The following ARID1A variants were observed in gnomAD, a reference collection of about 807,000 sequenced individuals.
The protein encoded by ARID1A is AT-rich interaction domain 1A.
ARID1A carries 20 observed loss-of-function variants against 212.6 expected under a neutral mutation model. That is an observed-to-expected ratio of 0.09 (90% CI 0.07 to 0.14). The LOEUF (loss-of-function observed/expected upper bound fraction) is 0.14. ARID1A is among the 10% of genes least tolerant of loss of function. The pLI, the probability that ARID1A is intolerant of heterozygous loss-of-function variation, is 1.00. For synonymous variants in ARID1A, 1,376 were observed against 1,222.1 expected (o/e 1.13, Z -2.63); for missense variants, 2,587 against 3,059.0 (o/e 0.85, Z 3.64).
Position 26,774,627 on chromosome 1 carries a change from C to G in ARID1A, c.4400C>G (p.Pro1467Arg), listed in dbSNP as rs191618031. Residue 1467 changes from proline (P) to arginine (R), a missense_variant, in exon 18 of 20, where the codon CCC becomes CGC. By Grantham distance (103) the Pro-to-Arg change is moderately radical. This residue lies in a region of ARID1A where 890 missense variants were observed against 1,098.2 expected (regional missense o/e 0.81). Transcript: ENST00000324856. This position sits in a 1 kb window ranked among gnomAD's most constrained non-coding sequence, Gnocchi z 5.6. ...TTTGGCCGAGACCGTGTCTCTGCAC[C>G]CCCTGGCACCAATGCCCAGCAAAAC... ...FQFGRDRVSA[P>R]PGTNAQQNMP... 1.2e-6 allele frequency: 2 copies of G among 1,614,218 alleles called. No individual in the cohort carries two copies. Among genetic ancestry groups the G allele is most frequent in the African/African-American group, 2.7e-5 (2 of 75,050 alleles).
chr1:26,756,571 A>C (rs185237847), intron 4 of ARID1A, among the ~76,000 whole-genome samples: 4 of 151,628 alleles, frequency 2.6e-5, no homozygotes, highest in South Asian at 2.1e-4. Flanking sequence ...CTTTAAAAAA[A>C]AAAAAAACAA....
rs781022615 is a variant in ARID1A, at chr1:26,766,371, G to A, written c.2878+5G>A. The A allele has an allele frequency of 5.0e-6, 8 of 1,614,026 alleles. No homozygotes were observed. The highest frequency in any genetic ancestry group is 5.9e-6 in the Non-Finnish European group (7 of 1,180,026). On this transcript the variant is annotated splice_donor_5th_base_variant and intron_variant, in intron 9 of 19. Coordinates refer to ENST00000324856, the MANE Select transcript of ARID1A (RefSeq NM_006015.6). ...CCATGGCCAACAATTCTGCAGGTAAGTGCTAGTCATTCTCACTAGGGATTT... is the reference window on the plus strand; with the variant it reads ...CCATGGCCAACAATTCTGCAGGTAAATGCTAGTCATTCTCACTAGGGATTT...
intron 6 of ARID1A, among the ~76,000 whole-genome samples, chr1:26,761,812 T>C (rs1196412629): frequency 6.6e-6 from 1 of 152,184 alleles, no homozygotes; most frequent in Non-Finnish European, 1.5e-5. Flanking sequence ...CTTGTCTGTG[T>C]TTTGATGGTT....
Position 26,732,759 on chromosome 1 carries a change from C to T in ARID1A, c.1887C>T (p.Asn629=). The T allele has an allele frequency of 6.2e-7, 1 of 1,614,038 alleles. No homozygotes were observed. The highest frequency in any genetic ancestry group is 8.5e-7 in the Non-Finnish European group (1 of 1,179,940). Residue 629 remains asparagine, a synonymous_variant, in exon 4 of 20, where the codon AAC becomes AAT. Coordinates refer to ENST00000324856, the MANE Select transcript of ARID1A (RefSeq NM_006015.6). The part of the protein sequence containing the change: ...TSSKGGQEDM[N]LSLQSRPSSL... The stretch of plus-strand genomic sequence containing the variant: ...GTAAGGGAGGGCAAGAAGATATGAA[C>T]CTGAGCCTTCAGTCAAGACCCTCCA...
At chr1:26,775,241 C>G (rs779120263) in intron 18 of ARID1A, 21 bp downstream of exon 18, 1 of 1,553,590 alleles carries the variant, frequency 6.4e-7, no homozygotes, top group Non-Finnish European at 8.7e-7. Flanking sequence ...CTTCCTCATT[C>G]GGTTGCCTAA....
chr1:26,746,315 G>T (rs1384909009), intron 4 of ARID1A, among the ~76,000 whole-genome samples: 5 of 152,196 alleles, frequency 3.3e-5, no homozygotes. Flanking sequence ...TTGTTGTAGT[G>T]ACAGTGGCTC....
At chr1:26,712,529 A>T (rs933534492) in intron 1 of ARID1A, among the ~76,000 whole-genome samples, 3 of 152,002 alleles carry the variant, frequency 2.0e-5, no homozygotes, top group Admixed American at 6.6e-5. Flanking sequence ...TCTTAAAAAA[A>T]ATTTTTTTTA....
rs371372102 is a variant in ARID1A at position 26,766,205 on chromosome 1, C to G, written c.2733-16C>G. On this transcript the variant is annotated splice_polypyrimidine_tract_variant and intron_variant, in intron 8 of 19. Transcript: ENST00000324856. ...GTCTAACCTTTGTCTCTCTCACTTT[C>G]CATCTTCTTCCTTAGGCCGCCAGGC... is the stretch of plus-strand genomic sequence containing the variant. 1.3e-4 allele frequency: 216 copies of G among 1,610,820 alleles called. 1 individual carries two copies. The highest frequency in any genetic ancestry group is 1.7e-4 in the Non-Finnish European group (201 of 1,178,552).
chr1:26,719,797 C>A (rs951418126), intron 1 of ARID1A, among the ~76,000 whole-genome samples: 9 of 151,320 alleles, frequency 5.9e-5, no homozygotes, highest in African/African-American at 1.9e-4. Flanking sequence ...AAAAATTAGC[C>A]GGGCATGGTG....
intron 4 of ARID1A, among the ~76,000 whole-genome samples, chr1:26,751,448 T>G (rs2080884534): frequency 6.6e-6 from 1 of 152,144 alleles, no homozygotes; most frequent in Non-Finnish European, 1.5e-5. Context: ...AACCCAGCCT[T>G]TGATCATGTC....
intron 1 of ARID1A, among the ~76,000 whole-genome samples, chr1:26,721,522 C>T (rs1394821997): frequency 6.6e-6 from 1 of 152,076 alleles, no homozygotes; most frequent in Non-Finnish European, 1.5e-5. Context: ...TTAAGCAGTA[C>T]CTGAAAGGAT....
intron 19 of ARID1A, among the ~76,000 whole-genome samples, chr1:26,777,019 C>A (rs1215391830): frequency 6.6e-6 from 1 of 152,210 alleles, no homozygotes; most frequent in Non-Finnish European, 1.5e-5. Context: ...CACCTCAGAA[C>A]AACCCTGTAA....
At position 26,774,060 on chromosome 1, in the gene ARID1A, C is replaced by T. The variant is rs2081110981; in HGVS notation, c.4101+162C>T. 9.2e-7 allele frequency: 1 copy of T among 1,088,702 alleles called. No homozygotes were observed. The highest frequency in any genetic ancestry group is 1.3e-6 in the Non-Finnish European group (1 of 766,640). The allele number at this position is 1,088,702 out of a possible 1,614,324, so 67.4% of individuals were successfully genotyped here. A position where few individuals can be genotyped will look rare whatever the true frequency, so the allele number is the denominator to read the frequency against. ...CTGCCTGAAGAGCCACGTCCTCAAT[C>T]TCTTCTCTATTTGGAGTTGGAAGGG... On this transcript the variant is annotated intron_variant, in intron 17 of 19. Transcript: ENST00000324856. The surrounding 1 kb of genome is among the most constrained non-coding windows in gnomAD (Gnocchi z 5.6).
chr1:26,733,183 A>G (rs1197545315), intron 4 of ARID1A, among the ~76,000 whole-genome samples: 2 of 152,068 alleles, frequency 1.3e-5, no homozygotes, highest in Non-Finnish European at 2.9e-5. Context: ...ATCCTGGAGC[A>G]ATTCAGCATG....
intron 4 of ARID1A, among the ~76,000 whole-genome samples, chr1:26,737,502 G>T (rs1484505318): frequency 1.3e-5 from 2 of 152,130 alleles, no homozygotes; most frequent in African/African-American, 4.8e-5. Context: ...ATCATGTGAT[G>T]CCCAAGACCA....
chr1:26,696,434 AGCAGCCTGGGCAACCCGCCGCCGCCGCCG>A lies in ARID1A; in HGVS notation c.32_60del (p.Ser11ThrfsTer90). ...CGCGCAGGTCGCCCCCGCCGCCGCC[AGCAGCCTGGGCAACCCGCCGCCGCCGCCG>A]CCCTCGGAGCTGAAGAAAGCCGAGC... On this transcript the variant is annotated frameshift_variant, in exon 1 of 20. Coordinates refer to ENST00000324856, the MANE Select transcript of ARID1A (RefSeq NM_006015.6). LOFTEE classifies it high-confidence loss of function. 1 of 1,289,370 alleles carries A rather than the reference AGCAGCCTGGGCAACCCGCCGCCGCCGCCG, an allele frequency of 7.8e-7. No individual in the cohort carries two copies. Among genetic ancestry groups the A allele is most frequent in the Admixed American group, 3.7e-5 (1 of 26,670 alleles). 79.9% of individuals were successfully genotyped at this position (1,289,370 alleles called of 1,614,324 possible).
intron 1 of ARID1A, among the ~76,000 whole-genome samples, chr1:26,725,655 T>C (rs1046446860): frequency 6.6e-6 from 1 of 152,194 alleles, no homozygotes; most frequent in African/African-American, 2.4e-5. Flanking sequence ...ACATTTATTT[T>C]TGGTCTACAA....
chr1:26,696,726 GC>G lies in ARID1A; in HGVS notation c.326del (p.Pro109LeufsTer5). On this transcript the variant is annotated frameshift_variant, in exon 1 of 20. Coordinates refer to ENST00000324856, the MANE Select transcript of ARID1A (RefSeq NM_006015.6). LOFTEE classifies it high-confidence loss of function. Reference protein sequence around the residue: ...PDLKNSNGNAGPRPALNNNLT... With the variant: ...PDLKNSNGNAXPRPALNNNLT... ...CTGAAGAACTCGAACGGGAACGCGG[GC>G]CCTAGGCCCGCCCTGAACAATAACC... 7.3e-7 allele frequency: 1 copy of G among 1,369,378 alleles called. No individual in the cohort carries two copies. The highest frequency in any genetic ancestry group is 9.4e-7 in the Non-Finnish European group (1 of 1,062,106). The allele number at this position is 1,369,378 out of a possible 1,614,324, so 84.8% of individuals were successfully genotyped here. A position where few individuals can be genotyped will look rare whatever the true frequency, so the allele number is the denominator to read the frequency against.
intron 4 of ARID1A, among the ~76,000 whole-genome samples, chr1:26,742,694 G>C (rs1327263538): frequency 1.3e-5 from 2 of 152,216 alleles, no homozygotes; most frequent in Admixed American, 6.5e-5. Flanking sequence ...TGGTAGGCCA[G>C]GCACGGTGGC....
Sources: gnomAD v4.1 joint callset for allele counts (sites outside exome capture counted in the v4.1 genomes callset) on GRCh38, gnomAD v4.1.1 for gene constraint, gnomAD v4.1.1 regional missense constraint, Gnocchi (gnomAD v3.1) non-coding constraint, MANE v1.5 for transcripts, NCBI Gene and HGNC (gene_info 2026-07-23, HGNC 2026-07-21) for gene names.